The following NEK11 variants were observed in gnomAD, a reference collection of about 807,000 sequenced individuals.
The protein encoded by NEK11 is serine/threonine-protein kinase Nek11.
In NEK11, 72 loss-of-function variants were observed where a neutral mutation model predicts 80.7. The ratio of observed to expected loss-of-function variants is 0.89; its 90% CI spans 0.74 to 1.08. The LOEUF (loss-of-function observed/expected upper bound fraction) is 1.08. Ranked by LOEUF, NEK11 falls within the 50% of genes least tolerant of loss-of-function variation. The pLI, the probability that NEK11 is intolerant of heterozygous loss-of-function variation, is 0.00. For synonymous variants in NEK11, 251 were observed against 260.7 expected (o/e 0.96, Z 0.36); for missense variants, 764 against 763.6 (o/e 1.00, Z -0.01).
Position 131,063,759 on chromosome 3 carries a change from A to C in NEK11, c.171-16664A>C, listed in dbSNP as rs946764411. Among the ~76,000 whole-genome samples the C allele has an allele frequency of 1.1e-4, 16 of 152,028 alleles. No homozygotes were observed. The East Asian group carries it at 3.1e-3, about 29-fold the overall frequency. On this transcript the variant is annotated intron_variant, in intron 3 of 17. Coordinates refer to ENST00000383366, the MANE Select transcript of NEK11 (RefSeq NM_024800.5). ...TTGAGCTTGAGGAAATCATAGAGTA[A>C]CTCACCAGCCAGGAAATTTACTACA...
At chr3:131,236,913 C>T (rs1165393248) in intron 15 of NEK11, among the ~76,000 whole-genome samples, 2 of 152,194 alleles carry the variant, frequency 1.3e-5, no homozygotes, top group Non-Finnish European at 2.9e-5. Context: ...GTGAAAGGTA[C>T]ATCTGAGTGT....
At chr3:131,252,375 A>G (rs1192296256) in intron 16 of NEK11, among the ~76,000 whole-genome samples, 2 of 152,148 alleles carry the variant, frequency 1.3e-5, no homozygotes, top group African/African-American at 4.8e-5. Context: ...AAAGAAAAAC[A>G]GACATACACA....
Position 131,243,513 on chromosome 3 carries a change from A to C in NEK11, c.1621+17A>C, listed in dbSNP as rs780082393. On this transcript the variant is annotated intron_variant, in intron 16 of 17. Transcript: ENST00000383366. ...CTTCTCTAGGTGAGTAAGTTCCTTTAGGCTTCAAAATACATTGACAGCTAC... is the reference window on the plus strand; with the variant it reads ...CTTCTCTAGGTGAGTAAGTTCCTTTCGGCTTCAAAATACATTGACAGCTAC... 1.2e-6 allele frequency: 2 copies of C among 1,604,288 alleles called. No individual in the cohort carries two copies. The highest frequency in any genetic ancestry group is 1.7e-5 in the Admixed American group (1 of 59,770).
At chr3:131,324,260 G>A in intron 17 of NEK11, among the ~76,000 whole-genome samples, 1 of 151,728 alleles carries the variant, frequency 6.6e-6, no homozygotes, top group South Asian at 2.1e-4. Flanking sequence ...ACCAGGCCTA[G>A]TCAAGAAGAG....
chr3:131,036,703 T>G (rs1210228147), intron 3 of NEK11, among the ~76,000 whole-genome samples: 1 of 152,180 alleles, frequency 6.6e-6, no homozygotes, highest in African/African-American at 2.4e-5. Flanking sequence ...TCTGGAGAGC[T>G]TATTAAAACA....
chr3:131,086,827 G>A (rs1233287116), intron 4 of NEK11, among the ~76,000 whole-genome samples: 1 of 152,082 alleles, frequency 6.6e-6, no homozygotes, highest in Non-Finnish European at 1.5e-5. Context: ...GTACACAAAT[G>A]CAAATTTTAA....
At chr3:131,231,828 T>C (rs1039007610) in intron 15 of NEK11, among the ~76,000 whole-genome samples, 3 of 152,092 alleles carry the variant, frequency 2.0e-5, no homozygotes, top group African/African-American at 7.2e-5. Flanking sequence ...CCTCTGAGTG[T>C]GCCAGGGTCT....
chr3:131,164,902 A>G (rs1044684621), intron 11 of NEK11, among the ~76,000 whole-genome samples: 5 of 152,208 alleles, frequency 3.3e-5, no homozygotes, highest in Non-Finnish European at 7.3e-5. Flanking sequence ...TAATCATAAG[A>G]ACTCAAATCT....
intron 3 of NEK11, among the ~76,000 whole-genome samples, chr3:131,074,519 A>T (rs1158969892): frequency 6.6e-6 from 1 of 152,134 alleles, no homozygotes; most frequent in African/African-American, 2.4e-5. Context: ...TATATAAAAT[A>T]TTGTAATATA....
intron 15 of NEK11, 72 bp from the exon 16 acceptor site, chr3:131,243,364 A>G: frequency 1.4e-6 from 2 of 1,404,848 alleles, no homozygotes; most frequent in Non-Finnish European, 2.0e-6. Context: ...ATGTAGTAAG[A>G]ACATTTTTCC....
intron 14 of NEK11, among the ~76,000 whole-genome samples, chr3:131,213,643 C>T (rs776167015): frequency 6.6e-6 from 1 of 152,118 alleles, no homozygotes; most frequent in African/African-American, 2.4e-5. Context: ...GAACAGAAAT[C>T]AGTGGTCTAT....
intron 14 of NEK11, among the ~76,000 whole-genome samples, chr3:131,221,730 T>G (rs1170946971): frequency 6.6e-6 from 1 of 152,202 alleles, no homozygotes; most frequent in Non-Finnish European, 1.5e-5. Flanking sequence ...ATGCAGTAGA[T>G]GAAGTGACAG....
chr3:131,083,945 C>T (rs1269199152), intron 4 of NEK11, among the ~76,000 whole-genome samples: 1 of 152,196 alleles, frequency 6.6e-6, no homozygotes, highest in African/African-American at 2.4e-5. Flanking sequence ...CACAGTTTCA[C>T]ACCTTTTCAT....
intron 4 of NEK11, among the ~76,000 whole-genome samples, chr3:131,101,570 T>G (rs2078368513): frequency 6.6e-6 from 1 of 152,206 alleles, no homozygotes; most frequent in South Asian, 2.1e-4. Flanking sequence ...ATTTATATTT[T>G]TATGCACTGT....
chr3:131,137,529 T>C (rs1325462599), intron 7 of NEK11, among the ~76,000 whole-genome samples: 2 of 152,136 alleles, frequency 1.3e-5, no homozygotes, highest in Non-Finnish European at 2.9e-5. Context: ...CTTATGTGGG[T>C]TCAGAAGAAA....
At chr3:131,255,096 GAA>G (rs1192142223) in intron 16 of NEK11, among the ~76,000 whole-genome samples, 1 of 148,416 alleles carries the variant, frequency 6.7e-6, no homozygotes, top group African/African-American at 2.5e-5. Flanking sequence ...AAGAAAGAAA[GAA>G]AGAAAGAAAG....
In NEK11 at chr3:131,123,043, C is replaced by T. The variant is rs150141313; in HGVS notation, c.456-9702C>T. ...AAAGATTTCATATAAACTTTATTGC[C>T]TGTTACCTTATTATTTGTTGGATTT... On this transcript the variant is annotated intron_variant, in intron 5 of 17. Coordinates refer to ENST00000383366, the MANE Select transcript of NEK11 (RefSeq NM_024800.5). Among the ~76,000 whole-genome samples the T allele has an allele frequency of 2.0e-5, 3 of 152,254 alleles. No individual in the cohort carries two copies. The East Asian group carries it at 5.8e-4, about 29-fold the overall frequency.
intron 4 of NEK11, among the ~76,000 whole-genome samples, chr3:131,096,766 G>T (rs2077495526): frequency 6.6e-6 from 1 of 150,428 alleles, no homozygotes; most frequent in Non-Finnish European, 1.5e-5. Context: ...TTAAGTTTTA[G>T]GGTACATGTG....
intron 17 of NEK11, among the ~76,000 whole-genome samples, chr3:131,287,405 C>G (rs906431155): frequency 3.3e-5 from 5 of 152,284 alleles, no homozygotes; most frequent in South Asian, 4.1e-4. Flanking sequence ...TCCTGAGTAG[C>G]TGGGATTACA....
Sources: allele counts gnomAD v4.1 joint callset (sites outside exome capture counted in the v4.1 genomes callset), GRCh38; gene constraint gnomAD v4.1.1; transcripts MANE v1.5; gene names NCBI Gene and HGNC (gene_info 2026-07-23, HGNC 2026-07-21).